Variants in PRKD1 observed in about 807,000 individuals in gnomAD.
PRKD1 encodes protein kinase D1, also known as serine/threonine-protein kinase D1.
In PRKD1, 63 loss-of-function variants were observed where a neutral mutation model predicts 95.9. The ratio of observed to expected loss-of-function variants is 0.66; its 90% CI spans 0.54 to 0.81. The LOEUF (loss-of-function observed/expected upper bound fraction) is 0.81. PRKD1 is among the 30% of genes least tolerant of loss of function. PRKD1 has a pLI of 0.00. For missense variants in PRKD1, 1,048 were observed against 1,165.3 expected (o/e 0.90, Z 1.47); for synonymous variants, 425 against 423.1 (o/e 1.00, Z -0.05).
intron 15 of PRKD1, 67 bp downstream of exon 15, chr14:29,598,960 A>G: frequency 7.8e-7 from 1 of 1,277,410 alleles, no homozygotes; most frequent in Non-Finnish European, 1.1e-6. Context: ...GGAAGGTGAC[A>G]AGATGCTACA....
rs1891195294 is a variant in PRKD1 at position 29,826,820 on chromosome 14, T to TACAC, written c.264+100428_264+100429insGTGT. ...ATATATACACATATATATACACATA[T>TACAC]ATATATATATATATATATACACACA... is the stretch of plus-strand genomic sequence containing the variant. On this transcript the variant is annotated intron_variant, in intron 1 of 17. Transcript: ENST00000331968. Among the ~76,000 whole-genome samples, 3 of 27,198 alleles carry TACAC rather than the reference T, an allele frequency of 1.1e-4. 1 individual carries two copies. The highest frequency in any genetic ancestry group is 3.2e-4 in the African/African-American group (2 of 6,276). The allele number at this position is 27,198 out of a possible 152,430, so 17.8% of individuals were successfully genotyped here. A position where few individuals can be genotyped will look rare whatever the true frequency, so the allele number is the denominator to read the frequency against.
At chr14:29,766,833 T>C (rs963398108) in intron 1 of PRKD1, among the ~76,000 whole-genome samples, 6 of 152,136 alleles carry the variant, frequency 3.9e-5, no homozygotes, top group African/African-American at 1.2e-4. Flanking sequence ...ACTTTTGTTA[T>C]AATATTTATT....
At chr14:29,728,765 A>C (rs1035825229) in intron 1 of PRKD1, among the ~76,000 whole-genome samples, 1 of 152,156 alleles carries the variant, frequency 6.6e-6, no homozygotes, top group Non-Finnish European at 1.5e-5. Flanking sequence ...CAGTGGGTAC[A>C]TGCTTCCGTT....
chr14:29,787,943 T>C (rs1249662533), intron 1 of PRKD1, among the ~76,000 whole-genome samples: 1 of 152,146 alleles, frequency 6.6e-6, no homozygotes, highest in Non-Finnish European at 1.5e-5. Context: ...TCTTTACAAA[T>C]TGGTGGGCTT....
At chr14:29,837,831 T>C (rs1286938914) in intron 1 of PRKD1, among the ~76,000 whole-genome samples, 2 of 152,214 alleles carry the variant, frequency 1.3e-5, no homozygotes, top group South Asian at 2.1e-4. Flanking sequence ...AAATACTGTA[T>C]ACCTATATTT....
chr14:29,860,451 T>G (rs886967297), intron 1 of PRKD1, among the ~76,000 whole-genome samples: 1 of 152,134 alleles, frequency 6.6e-6, no homozygotes, highest in Non-Finnish European at 1.5e-5. Context: ...AAAGAGGTCT[T>G]GCCTGAGAAC....
At chr14:29,839,798 G>T (rs1450725321) in intron 1 of PRKD1, among the ~76,000 whole-genome samples, 1 of 152,124 alleles carries the variant, frequency 6.6e-6, no homozygotes, top group Non-Finnish European at 1.5e-5. Flanking sequence ...ACCCTGTGAA[G>T]CCATGACCTG....
chr14:29,660,984 T>C (rs911064775), intron 4 of PRKD1, among the ~76,000 whole-genome samples: 14 of 152,140 alleles, frequency 9.2e-5, no homozygotes, highest in Admixed American at 4.6e-4. Flanking sequence ...TTTTTAAAGA[T>C]GGACTGTTTT....
intron 1 of PRKD1, among the ~76,000 whole-genome samples, chr14:29,776,490 G>A (rs1003001139): frequency 1.6e-4 from 24 of 152,034 alleles, no homozygotes; most frequent in Non-Finnish European, 2.1e-4. Context: ...AAGAACTACG[G>A]GACGCATGCA....
At chr14:29,912,685 T>A (rs1894759199) in intron 1 of PRKD1, among the ~76,000 whole-genome samples, 1 of 152,226 alleles carries the variant, frequency 6.6e-6, no homozygotes, top group Non-Finnish European at 1.5e-5. Context: ...AAAAACAAAT[T>A]TTCTAAATAA....
At chr14:29,678,444 T>G (rs1336515971) in intron 2 of PRKD1, among the ~76,000 whole-genome samples, 2 of 152,206 alleles carry the variant, frequency 1.3e-5, no homozygotes, top group Non-Finnish European at 2.9e-5. Context: ...TCTGGAATGT[T>G]TGAATAATTT....
At chr14:29,853,312 A>G (rs1400605286) in intron 1 of PRKD1, among the ~76,000 whole-genome samples, 1 of 152,234 alleles carries the variant, frequency 6.6e-6, no homozygotes, top group East Asian at 1.9e-4. Context: ...TGTGCACCCT[A>G]TTTTATTTCA....
intron 1 of PRKD1, among the ~76,000 whole-genome samples, chr14:29,777,182 G>A (rs967642313): frequency 6.6e-6 from 1 of 152,176 alleles, no homozygotes; most frequent in African/African-American, 2.4e-5. Flanking sequence ...ACCAGCCACT[G>A]CAAAAACATG....
At chr14:29,612,306 G>A (rs771825908) in intron 13 of PRKD1, among the ~76,000 whole-genome samples, 7 of 152,126 alleles carry the variant, frequency 4.6e-5, no homozygotes, top group African/African-American at 7.2e-5. Flanking sequence ...CTTCTAAGAC[G>A]TGAGTGACCT....
In PRKD1 at chr14:29,639,805, A is replaced by G. The variant is rs1594386401; in HGVS notation, c.697-901T>C. The stretch of plus-strand genomic sequence containing the variant: ...CGAATATACTATAAGAGGAATATAA[A>G]AGTGGATGTTTTGGATGTAATTTTA... On this transcript the variant is annotated intron_variant, in intron 4 of 17. Transcript: ENST00000331968. Among the ~76,000 whole-genome samples the G allele has an allele frequency of 1.3e-5, 2 of 152,254 alleles. 1 individual carries two copies. The highest frequency in any genetic ancestry group is 3.9e-4 in the East Asian group (2 of 5,182).
chr14:29,783,132 T>A (rs1319287703), intron 1 of PRKD1, among the ~76,000 whole-genome samples: 1 of 152,172 alleles, frequency 6.6e-6, no homozygotes, highest in Non-Finnish European at 1.5e-5. Flanking sequence ...TTGTACCCGA[T>A]AACTAACCTG....
intron 2 of PRKD1, among the ~76,000 whole-genome samples, chr14:29,675,565 G>A (rs1036770202): frequency 6.6e-6 from 1 of 152,184 alleles, no homozygotes; most frequent in African/African-American, 2.4e-5. Context: ...GTGGAAGACA[G>A]TGTGGCGATT....
intron 4 of PRKD1, among the ~76,000 whole-genome samples, chr14:29,655,708 A>G (rs953634772): frequency 4.6e-5 from 7 of 152,122 alleles, no homozygotes; most frequent in African/African-American, 1.7e-4. Flanking sequence ...GGAGGGCTTA[A>G]CTAAAACCTT....
chr14:29,813,132 T>G (rs1459097162), intron 1 of PRKD1, among the ~76,000 whole-genome samples: 1 of 152,010 alleles, frequency 6.6e-6, no homozygotes, highest in African/African-American at 2.4e-5. Context: ...AACAAAAGAC[T>G]TCTCTCATCT....
Sources: allele counts gnomAD v4.1 joint callset (sites outside exome capture counted in the v4.1 genomes callset), GRCh38; gene constraint gnomAD v4.1.1; transcripts MANE v1.5; gene names NCBI Gene and HGNC (gene_info 2026-07-23, HGNC 2026-07-21).